Variants in ANKRD6 observed in about 807,000 individuals in gnomAD.
ANKRD6 encodes the protein ankyrin repeat domain-containing protein 6.
Under a neutral mutation model 82.3 loss-of-function variants are expected in ANKRD6, and 56 were observed. The ratio of observed to expected loss-of-function variants is 0.68; its 90% confidence interval spans 0.55 to 0.85. The LOEUF (loss-of-function observed/expected upper bound fraction) is 0.85. Among genes scored for constraint, ANKRD6 ranks in the 40% least tolerant of loss-of-function variants. The pLI, the probability that ANKRD6 is intolerant of heterozygous loss-of-function variation, is 0.00. For synonymous variants in ANKRD6, 347 were observed against 352.1 expected, an observed-to-expected ratio of 0.99 and a Z score of 0.16; for missense variants, 852 against 907.6, an observed-to-expected ratio of 0.94 and a Z score of 0.79.
At chr6:89,622,991 G>C (rs978034113) in intron 10 of ANKRD6, among the ~76,000 whole-genome samples, 1 of 132,756 alleles carries the variant, frequency 7.5e-6, no homozygotes, top group Non-Finnish European at 1.6e-5. Context: ...TTTGCCATGA[G>C]TGTTGTGGGT....
chr6:89,543,054 TACTTA>T (rs1472479446), intron 1 of ANKRD6, among the ~76,000 whole-genome samples: 1 of 152,196 alleles, frequency 6.6e-6, no homozygotes, highest in Non-Finnish European at 1.5e-5. Context: ...TTTTTTACGG[TACTTA>T]ACATTCAGCC....
At chr6:89,476,498 T>A (rs1408881888) in intron 1 of ANKRD6, among the ~76,000 whole-genome samples, 1 of 152,210 alleles carries the variant, frequency 6.6e-6, no homozygotes, top group Admixed American at 6.5e-5. Context: ...TTTGACTTTT[T>A]CCACAAAACT....
rs985352340 is a variant in ANKRD6, at chr6:89,536,676, T to C, written c.-143-30158T>C. 3.9e-5 allele frequency among the ~76,000 whole-genome samples: 6 copies of C among 152,294 alleles called. No homozygotes were observed. The South Asian group carries it at 1.2e-3, about 32-fold the overall frequency. On this transcript the variant is annotated intron_variant, in intron 1 of 15. Transcript: ENST00000339746. ...CTGCGCGTGCGCTGTCATAAGCACA[T>C]TGAGATGTTGGAAGAGCAAACTGAA...
chr6:89,578,210 C>CGACATGG (rs1425738387), intron 2 of ANKRD6, among the ~76,000 whole-genome samples: 1 of 151,116 alleles, frequency 6.6e-6, no homozygotes, highest in Non-Finnish European at 1.5e-5. Context: ...GCCAGGAGAA[C>CGACATGG]GACATGGGAC....
chr6:89,580,764 G>T (rs1243552039), intron 2 of ANKRD6, among the ~76,000 whole-genome samples: 2 of 152,302 alleles, frequency 1.3e-5, no homozygotes, highest in African/African-American at 4.8e-5. Flanking sequence ...TGTGTTTAAT[G>T]TTAGGACTTA....
chr6:89,593,656 T>G (rs977909529), intron 2 of ANKRD6, among the ~76,000 whole-genome samples: 3 of 152,230 alleles, frequency 2.0e-5, no homozygotes, highest in African/African-American at 7.2e-5. Context: ...GGTGCTTTCT[T>G]GAAATCATTA....
intron 2 of ANKRD6, among the ~76,000 whole-genome samples, chr6:89,570,622 G>C (rs150763672): frequency 6.6e-6 from 1 of 152,246 alleles, no homozygotes; most frequent in Middle Eastern, 3.4e-3. Context: ...ACTGTTAGCC[G>C]CACCTCAAAT....
chr6:89,524,246 C>T (rs987738272), intron 1 of ANKRD6, among the ~76,000 whole-genome samples: 6 of 151,956 alleles, frequency 3.9e-5, no homozygotes, highest in Non-Finnish European at 8.8e-5. Flanking sequence ...TTGATGCACC[C>T]GTCACCCAAG....
chr6:89,540,606 G>T (rs1315399253), intron 1 of ANKRD6, among the ~76,000 whole-genome samples: 1 of 151,882 alleles, frequency 6.6e-6, no homozygotes, highest in East Asian at 1.9e-4. Context: ...TGTTTCCTTT[G>T]CTGTGCAGAA....
intron 1 of ANKRD6, among the ~76,000 whole-genome samples, chr6:89,538,001 C>T (rs1223683005): frequency 6.6e-6 from 1 of 152,090 alleles, no homozygotes; most frequent in African/African-American, 2.4e-5. Context: ...TCATTTCATC[C>T]TCAACTACAG....
At chr6:89,629,391 G>A (rs186878537) in intron 15 of ANKRD6, 153 bp downstream of exon 15, 48 of 1,062,334 alleles carry the variant, frequency 4.5e-5, no homozygotes, top group African/African-American at 4.1e-4. Context: ...TATTTTGCTC[G>A]TAACCATATA....
intron 2 of ANKRD6, among the ~76,000 whole-genome samples, chr6:89,574,550 T>C (rs552254722): frequency 3.3e-5 from 5 of 152,356 alleles, no homozygotes; most frequent in South Asian, 2.1e-4. Flanking sequence ...TCACATCCCA[T>C]CTGTGCCGAA....
At chr6:89,448,722 T>C (rs906666442) in intron 1 of ANKRD6, among the ~76,000 whole-genome samples, 2 of 152,192 alleles carry the variant, frequency 1.3e-5, no homozygotes, top group Non-Finnish European at 2.9e-5. Context: ...AGTTAATTTC[T>C]ATTTTCAAGT....
At chr6:89,539,577 C>G (rs960411232) in intron 1 of ANKRD6, among the ~76,000 whole-genome samples, 2 of 151,940 alleles carry the variant, frequency 1.3e-5, no homozygotes, top group African/African-American at 2.4e-5. Context: ...TTATGAGGTA[C>G]ATGAGATGTT....
chr6:89,574,507 A>AT (rs1158702713), intron 2 of ANKRD6, among the ~76,000 whole-genome samples: 1 of 152,178 alleles, frequency 6.6e-6, no homozygotes, highest in Admixed American at 6.5e-5. Context: ...AATATTGATT[A>AT]TTTTTTAACT....
intron 1 of ANKRD6, among the ~76,000 whole-genome samples, chr6:89,441,366 T>C (rs1771353455): frequency 6.6e-6 from 1 of 152,290 alleles, no homozygotes; most frequent in East Asian, 1.9e-4. Context: ...TTGGCCAGGC[T>C]CATCTGGAGC....
rs532337846 is a variant in ANKRD6, at chr6:89,450,555, GT to G, written c.-144+17182del. Among the ~76,000 whole-genome samples the G allele has an allele frequency of 4.9e-4, 75 of 152,258 alleles. 3 individuals carry two copies. The highest frequency in any genetic ancestry group is 1.8e-3 in the African/African-American group (75 of 41,556). On this transcript the variant is annotated intron_variant, in intron 1 of 15. Coordinates refer to ENST00000339746, the MANE Select transcript of ANKRD6 (RefSeq NM_001242809.2). ...TATTTTTCAGAGGGAGTCTCACTTT[GT>G]TGCCCAGGCTGGAGGCAGCAGTGTG...
intron 1 of ANKRD6, among the ~76,000 whole-genome samples, chr6:89,556,459 T>G (rs1786613030): frequency 6.6e-6 from 1 of 152,240 alleles, no homozygotes. Flanking sequence ...ACTATCTGAA[T>G]CCTGAATATT....
intron 5 of ANKRD6, among the ~76,000 whole-genome samples, chr6:89,607,501 T>G (rs2128197666): frequency 6.6e-6 from 1 of 152,322 alleles, no homozygotes; most frequent in African/African-American, 2.4e-5. Context: ...TAATATAAAT[T>G]TGTGTATTTA....
Sources: gnomAD v4.1 joint callset for allele counts (sites outside exome capture counted in the v4.1 genomes callset) on GRCh38, gnomAD v4.1.1 for gene constraint, MANE v1.5 for transcripts, NCBI Gene and HGNC (gene_info 2026-07-23, HGNC 2026-07-21) for gene names.